The following DCC variants were observed in gnomAD, a reference collection of about 807,000 sequenced individuals.
DCC encodes the protein netrin receptor DCC.
A neutral mutation model predicts 172.5 loss-of-function variants in DCC; 58 were observed. The ratio of observed to expected loss-of-function variants is 0.34; its 90% CI spans 0.27 to 0.42. DCC has a LOEUF of 0.42. DCC is among the 10% of genes least tolerant of loss of function. The pLI, the probability that DCC is intolerant of heterozygous loss-of-function variation, is 1.00. For synonymous variants in DCC, 709 were observed against 644.5 expected (o/e 1.10, Z -1.52); for missense variants, 1,740 against 1,791.0 (o/e 0.97, Z 0.51).
intron 7 of DCC, among the ~76,000 whole-genome samples, chr18:53,105,988 C>A (rs1598807217): frequency 6.6e-6 from 1 of 151,176 alleles, no homozygotes; most frequent in South Asian, 2.1e-4. Context: ...CAAGCAGAGG[C>A]GGCAGGCTGT....
chr18:53,419,616 A>G (rs942378499), intron 21 of DCC, among the ~76,000 whole-genome samples: 14 of 152,064 alleles, frequency 9.2e-5, no homozygotes, highest in Admixed American at 3.3e-4. Context: ...GGTAAAATGA[A>G]CCGCTATGCA....
intron 1 of DCC, among the ~76,000 whole-genome samples, chr18:52,454,465 T>C (rs556437864): frequency 6.6e-6 from 1 of 151,698 alleles, no homozygotes; most frequent in African/African-American, 2.4e-5. Context: ...AGACAACTTT[T>C]TCTCCCCAAT....
intron 5 of DCC, among the ~76,000 whole-genome samples, chr18:53,046,841 G>A (rs1415496791): frequency 1.3e-5 from 2 of 151,786 alleles, no homozygotes; most frequent in African/African-American, 4.8e-5. Flanking sequence ...CGAAATCCAG[G>A]ACAGTTCAGT....
chr18:53,413,289 C>A (rs1463115839), intron 20 of DCC, among the ~76,000 whole-genome samples: 1 of 152,124 alleles, frequency 6.6e-6, no homozygotes, highest in Non-Finnish European at 1.5e-5. Context: ...ATGTGCCTCT[C>A]CCCTATCCAA....
chr18:53,031,983 T>A (rs1314151818), intron 5 of DCC, among the ~76,000 whole-genome samples: 1 of 152,192 alleles, frequency 6.6e-6, no homozygotes, highest in Non-Finnish European at 1.5e-5. Flanking sequence ...TATAAGAATG[T>A]GATATTTTAG....
At chr18:52,437,203 G>A (rs1365783254) in intron 1 of DCC, among the ~76,000 whole-genome samples, 1 of 152,128 alleles carries the variant, frequency 6.6e-6, no homozygotes, top group African/African-American at 2.4e-5. Context: ...TTGCCAAATG[G>A]GGAAGACATC....
chr18:52,622,355 G>A (rs1380525714), intron 1 of DCC, among the ~76,000 whole-genome samples: 3 of 152,154 alleles, frequency 2.0e-5, no homozygotes, highest in African/African-American at 4.8e-5. Flanking sequence ...GGGTCATGTG[G>A]AAGGCCTATT....
intron 18 of DCC, among the ~76,000 whole-genome samples, chr18:53,401,414 A>G (rs560063905): frequency 1.1e-4 from 17 of 152,290 alleles, no homozygotes; most frequent in African/African-American, 3.8e-4. Context: ...CTGGAATCCC[A>G]GTGACTTTGA....
chr18:52,596,025 A>G (rs1323338659), intron 1 of DCC, among the ~76,000 whole-genome samples: 1 of 152,238 alleles, frequency 6.6e-6, no homozygotes, highest in East Asian at 1.9e-4. Context: ...TAAAAAGGTT[A>G]CAACCTGTAC....
intron 9 of DCC, 104 bp from the exon 10 acceptor site, chr18:53,205,112 T>C: frequency 1.1e-6 from 1 of 870,472 alleles, no homozygotes; most frequent in Non-Finnish European, 1.9e-6. Context: ...TACATACTCC[T>C]AGAATTTTAT....
At chr18:52,409,325 G>C (rs914636524) in intron 1 of DCC, 1 of 152,088 alleles carries the variant, frequency 6.6e-6, no homozygotes, top group Non-Finnish European at 1.5e-5. Context: ...TGCAGACAAT[G>C]CTCATCAGCC....
chr18:52,987,613 A>C (rs1232096890), intron 5 of DCC, among the ~76,000 whole-genome samples: 1 of 152,188 alleles, frequency 6.6e-6, no homozygotes, highest in East Asian at 1.9e-4. Flanking sequence ...GGTGGGTTAC[A>C]TATCTGAGGA....
At chr18:53,050,307 G>A (rs1004377076) in intron 5 of DCC, among the ~76,000 whole-genome samples, 8 of 151,158 alleles carry the variant, frequency 5.3e-5, no homozygotes, top group Admixed American at 2.0e-4. Context: ...AGATACACCC[G>A]GAAACAATAT....
chr18:52,441,938 ACT>A (rs1226916496), intron 1 of DCC, among the ~76,000 whole-genome samples: 1 of 152,148 alleles, frequency 6.6e-6, no homozygotes, highest in East Asian at 1.9e-4. Flanking sequence ...GAATTTGCAA[ACT>A]CTGTTTGCAA....
intron 12 of DCC, among the ~76,000 whole-genome samples, chr18:53,252,516 T>G (rs534610878): frequency 3.3e-5 from 5 of 152,058 alleles, no homozygotes; most frequent in South Asian, 2.1e-4. Flanking sequence ...AAAAGGCAAT[T>G]TAAGAATTTC....
intron 1 of DCC, among the ~76,000 whole-genome samples, chr18:52,699,479 A>G (rs1213809419): frequency 1.3e-5 from 2 of 152,244 alleles, no homozygotes; most frequent in Non-Finnish European, 2.9e-5. Context: ...CATAAATGAC[A>G]TTAGCAGGAA....
chr18:52,902,703 G>T (rs917871178), intron 2 of DCC, among the ~76,000 whole-genome samples: 2 of 151,906 alleles, frequency 1.3e-5, no homozygotes, highest in Non-Finnish European at 2.9e-5. Flanking sequence ...ACTGTTGCTG[G>T]GTTGTTACAC....
chr18:52,735,260 C>T (rs547336138), intron 1 of DCC, among the ~76,000 whole-genome samples: 1 of 152,232 alleles, frequency 6.6e-6, no homozygotes, highest in African/African-American at 2.4e-5. Flanking sequence ...ACCCTAGGCT[C>T]ATCCCTCCAG....
intron 1 of DCC, among the ~76,000 whole-genome samples, chr18:52,553,141 G>A (rs2032821177): frequency 1.3e-5 from 2 of 151,862 alleles, no homozygotes; most frequent in South Asian, 2.1e-4. Context: ...AAATTCTCAG[G>A]TCACTTCTGA....
Sources: allele counts gnomAD v4.1 joint callset (sites outside exome capture counted in the v4.1 genomes callset), GRCh38; gene constraint gnomAD v4.1.1; transcripts MANE v1.5; gene names NCBI Gene and HGNC (gene_info 2026-07-23, HGNC 2026-07-21).